Variants in NRXN3 observed in about 807,000 individuals in gnomAD.
NRXN3 encodes neurexin III.
Under a neutral mutation model 137.6 loss-of-function variants are expected in NRXN3, and 32 were observed. The observed-to-expected ratio is 0.23, with a 90% CI of 0.18 to 0.31. The LOEUF is 0.31. Ranked by LOEUF, NRXN3 falls within the 10% of genes least tolerant of loss-of-function variation. The probability of loss-of-function intolerance (pLI) is 1.00; values close to 1 mark genes in which losing one functional copy is unlikely to be tolerated. For synonymous variants in NRXN3, 798 were observed against 784.5 expected, an observed-to-expected ratio of 1.02 and a Z score of -0.29; for missense variants, 1,574 against 2,062.5, an observed-to-expected ratio of 0.76 and a Z score of 4.59.
chr14:78,185,694 G>A (rs2060174026), intron 1 of NRXN3, among the ~76,000 whole-genome samples: 1 of 152,304 alleles, frequency 6.6e-6, no homozygotes, highest in South Asian at 2.1e-4. Context: ...GCTCATGGGA[G>A]TGAAGTGGTC....
At chr14:79,615,344 T>A (rs2098142619) in intron 16 of NRXN3, among the ~76,000 whole-genome samples, 1 of 152,196 alleles carries the variant, frequency 6.6e-6, no homozygotes, top group Non-Finnish European at 1.5e-5. Context: ...ACCAAATTCC[T>A]ACCAGAAAAA....
At chr14:78,331,007 T>C (rs898884717) in intron 4 of NRXN3, among the ~76,000 whole-genome samples, 2 of 152,134 alleles carry the variant, frequency 1.3e-5, no homozygotes, top group Non-Finnish European at 2.9e-5. Context: ...TCAGAATCTG[T>C]TTGCCTTTGT....
At chr14:79,245,968 T>A (rs1295135836) in intron 15 of NRXN3, among the ~76,000 whole-genome samples, 1 of 152,178 alleles carries the variant, frequency 6.6e-6, no homozygotes, top group Non-Finnish European at 1.5e-5. Flanking sequence ...TTTTTCTTCA[T>A]AAAGATGCCA....
chr14:78,651,197 G>A lies in NRXN3; in HGVS notation c.1092G>A (p.Thr364=), dbSNP rs756735071. ...VTISVDGILT[T]TGYTQEDYTM... is the part of the protein sequence containing the mutation. Reference sequence around the variant, plus strand: ...TCTCTGTGGATGGCATTCTTACCACGACGGGCTACACTCAAGAGGACTATA... The same window carrying A: ...TCTCTGTGGATGGCATTCTTACCACAACGGGCTACACTCAAGAGGACTATA... Residue 364 remains threonine, a synonymous_variant, in exon 6 of 21, where the codon ACG becomes ACA. Coordinates refer to ENST00000335750, the MANE Select transcript of NRXN3 (RefSeq NM_001330195.2). 68 of 1,613,536 alleles carry A rather than the reference G, an allele frequency of 4.2e-5. No homozygotes were observed. The highest frequency in any genetic ancestry group is 1.3e-5 in the African/African-American group (1 of 74,798).
intron 3 of NRXN3, among the ~76,000 whole-genome samples, chr14:78,289,045 A>G (rs1464239427): frequency 1.3e-5 from 2 of 152,194 alleles, no homozygotes; most frequent in Non-Finnish European, 2.9e-5. Flanking sequence ...CAAAACCCAG[A>G]GGCTGGAATC....
At chr14:79,761,095 G>A (rs1341034135) in intron 19 of NRXN3, among the ~76,000 whole-genome samples, 1 of 151,704 alleles carries the variant, frequency 6.6e-6, no homozygotes, top group African/African-American at 2.4e-5. Flanking sequence ...CTCTGGAGAT[G>A]TAATAGAACA....
At position 79,866,384 on chromosome 14, in the gene NRXN3, A is replaced by T. The variant is rs2099418083; in HGVS notation, c.*4420A>T. 1 of 152,224 alleles carries T rather than the reference A, an allele frequency of 6.6e-6. No individual in the cohort carries two copies. Among genetic ancestry groups the T allele is most frequent in the African/African-American group, 2.4e-5 (1 of 41,464 alleles). 9.4% of individuals were successfully genotyped at this position (152,224 alleles called of 1,614,324 possible). On this transcript the variant is annotated 3_prime_UTR_variant, in exon 21 of 21. Coordinates refer to ENST00000335750, the MANE Select transcript of NRXN3 (RefSeq NM_001330195.2). ...ATAAGCTATCAAAAAGTACAAACTA[A>T]GTTGGGAGCTTAGAAGAAATTATGT...
chr14:79,699,664 C>T, intron 19 of NRXN3, among the ~76,000 whole-genome samples: 1 of 151,962 alleles, frequency 6.6e-6, no homozygotes, highest in East Asian at 1.9e-4. Context: ...GTACAAGATA[C>T]AAAATCTTGC....
At chr14:79,614,766 G>A (rs1229334460) in intron 16 of NRXN3, among the ~76,000 whole-genome samples, 4 of 152,056 alleles carry the variant, frequency 2.6e-5, no homozygotes, top group Non-Finnish European at 4.4e-5. Flanking sequence ...ACAAACTGGC[G>A]GGATTTCATT....
chr14:79,652,675 C>G (rs1038680292), intron 16 of NRXN3, among the ~76,000 whole-genome samples: 1 of 151,986 alleles, frequency 6.6e-6, no homozygotes, highest in East Asian at 1.9e-4. Flanking sequence ...GAGTCAGCTC[C>G]CTGTGACATG....
intron 1 of NRXN3, among the ~76,000 whole-genome samples, chr14:78,238,165 C>T (rs895939278): frequency 7.9e-5 from 12 of 151,908 alleles, no homozygotes; most frequent in Admixed American, 2.0e-4. Flanking sequence ...CACCCTGCCC[C>T]CTCCTAAGCA....
At chr14:79,015,977 G>T (rs2099578506) in intron 15 of NRXN3, among the ~76,000 whole-genome samples, 1 of 152,148 alleles carries the variant, frequency 6.6e-6, no homozygotes, top group Admixed American at 6.5e-5. Flanking sequence ...TGCCTTCCCA[G>T]TGTGTAGGAA....
rs2099415936 is a variant in NRXN3 at position 79,863,227 on chromosome 14, A to C, written c.*1263A>C. On this transcript the variant is annotated 3_prime_UTR_variant, in exon 21 of 21. Transcript: ENST00000335750. ...GATAACTCTGTCCTTCCATTTGCTC[A>C]CTTCTCTCTTCACCCATCTTTTTTA... 6.6e-6 allele frequency: 1 copy of C among 152,438 alleles called. No individual in the cohort carries two copies. Among genetic ancestry groups the C allele is most frequent in the African/African-American group, 2.4e-5 (1 of 41,412 alleles). The allele number at this position is 152,438 out of a possible 1,614,324, so 9.4% of individuals were successfully genotyped here.
chr14:78,787,799 T>C (rs1446088683), intron 8 of NRXN3, among the ~76,000 whole-genome samples: 5 of 152,194 alleles, frequency 3.3e-5, no homozygotes, highest in Admixed American at 2.6e-4. Flanking sequence ...GAGCCATTCT[T>C]ACCCTCAAAG....
chr14:79,834,336 G>C (rs552618561), intron 20 of NRXN3, among the ~76,000 whole-genome samples: 1 of 151,928 alleles, frequency 6.6e-6, no homozygotes, highest in African/African-American at 2.4e-5. Context: ...CCCTTCTTCC[G>C]ATAACAGATT....
intron 8 of NRXN3, among the ~76,000 whole-genome samples, chr14:78,792,778 C>T (rs890387710): frequency 6.6e-6 from 1 of 152,210 alleles, no homozygotes; most frequent in African/African-American, 2.4e-5. Context: ...TAAAATTGAG[C>T]ATAAAATCAA....
chr14:78,758,465 A>C (rs940693918), intron 8 of NRXN3, among the ~76,000 whole-genome samples: 2 of 152,090 alleles, frequency 1.3e-5, no homozygotes, highest in African/African-American at 4.8e-5. Flanking sequence ...GAAGATGGAG[A>C]GACAAAGCTT....
chr14:78,878,798 T>G (rs2099120181), intron 10 of NRXN3, among the ~76,000 whole-genome samples: 1 of 152,160 alleles, frequency 6.6e-6, no homozygotes, highest in African/African-American at 2.4e-5. Context: ...CTTGAACTTA[T>G]TGTTCCATCT....
At chr14:78,580,096 A>G (rs1232539944) in intron 4 of NRXN3, among the ~76,000 whole-genome samples, 2 of 152,104 alleles carry the variant, frequency 1.3e-5, no homozygotes, top group Non-Finnish European at 2.9e-5. Context: ...TAACTGCCAT[A>G]CCCATGTTTG....
Sources: allele counts gnomAD v4.1 joint callset (sites outside exome capture counted in the v4.1 genomes callset), GRCh38; gene constraint gnomAD v4.1.1; transcripts MANE v1.5; gene names NCBI Gene and HGNC (gene_info 2026-07-23, HGNC 2026-07-21).